The following ZDHHC18 variants were observed in gnomAD, a reference collection of about 807,000 sequenced individuals.
ZDHHC18 encodes the protein zDHHC palmitoyltransferase 18, also known as palmitoyltransferase ZDHHC18.
Under a neutral mutation model 37.5 loss-of-function variants are expected in ZDHHC18, and 23 were observed. That is an observed-to-expected ratio of 0.61 (90% CI 0.44 to 0.87). The LOEUF is 0.87. Ranked by LOEUF, ZDHHC18 falls within the 40% of genes least tolerant of loss-of-function variation. ZDHHC18 has a pLI of 0.00. For synonymous variants in ZDHHC18, 185 were observed against 218.7 expected (o/e 0.85, Z 1.36); for missense variants, 406 against 525.6 (o/e 0.77, Z 2.22).
rs2081700165 is a variant in ZDHHC18, at chr1:26,850,854, T to C, written c.833+248T>C. ...ATGTCCCTTAAGATGCCAAGCTCCC[T>C]GGACCGTGTCGTGCCCAAGGCTCTT... On this transcript the variant is annotated intron_variant, in intron 5 of 7. Transcript: ENST00000374142. This position sits in a 1 kb window ranked among gnomAD's most constrained non-coding sequence, Gnocchi z 6.1. Among the ~76,000 whole-genome samples, 1 of 152,220 alleles carries C rather than the reference T, an allele frequency of 6.6e-6. No individual in the cohort carries two copies. Among genetic ancestry groups the C allele is most frequent in the Non-Finnish European group, 1.5e-5 (1 of 68,038 alleles).
At chr1:26,841,195 G>A (rs1319263847) in intron 2 of ZDHHC18, among the ~76,000 whole-genome samples, 1 of 152,090 alleles carries the variant, frequency 6.6e-6, no homozygotes, top group Non-Finnish European at 1.5e-5. Context: ...GGCTGGTCTC[G>A]AACTCCTGAC....
intron 3 of ZDHHC18, among the ~76,000 whole-genome samples, 162 bp downstream of exon 3, chr1:26,848,919 C>T (rs1482208493): frequency 6.6e-6 from 1 of 152,142 alleles, no homozygotes; most frequent in Non-Finnish European, 1.5e-5. Context: ...CAGGAGGGCC[C>T]AGGGGAGGGG....
At chr1:26,843,518 G>A (rs2081648721) in intron 2 of ZDHHC18, among the ~76,000 whole-genome samples, 1 of 150,552 alleles carries the variant, frequency 6.6e-6, no homozygotes. Flanking sequence ...GCCGTGTACG[G>A]TGGTTCATGC....
intron 7 of ZDHHC18, 96 bp from the exon 8 acceptor site, chr1:26,853,630 C>T: frequency 1.7e-6 from 2 of 1,173,814 alleles, no homozygotes; most frequent in South Asian, 2.6e-5. Context: ...TCAGCCTGGG[C>T]CTTTCCTTGG....
chr1:26,847,192 G>T (rs946250334), intron 2 of ZDHHC18, among the ~76,000 whole-genome samples: 1 of 152,008 alleles, frequency 6.6e-6, no homozygotes, highest in Non-Finnish European at 1.5e-5. Flanking sequence ...ACCACACCTG[G>T]CCAATTGTTC....
chr1:26,832,645 A>T (rs2081593556), intron 2 of ZDHHC18, 38 bp downstream of exon 2: 1 of 1,604,664 alleles, frequency 6.2e-7, no homozygotes, highest in Admixed American at 1.7e-5. Context: ...GGGTCTCCAT[A>T]GCTCCACATT....
At chr1:26,829,307 G>A (rs978324934) in intron 1 of ZDHHC18, among the ~76,000 whole-genome samples, 5 of 152,068 alleles carry the variant, frequency 3.3e-5, no homozygotes, top group South Asian at 2.1e-4. Flanking sequence ...CTTACTTCTC[G>A]CCCCCACACA....
At chr1:26,834,317 C>T (rs183462465) in intron 2 of ZDHHC18, among the ~76,000 whole-genome samples, 51 of 152,320 alleles carry the variant, frequency 3.3e-4, no homozygotes, top group Non-Finnish European at 6.8e-4. Flanking sequence ...CACAACAGCC[C>T]AGTGAGGGCG....
chr1:26,839,977 C>T (rs1363607288), intron 2 of ZDHHC18, among the ~76,000 whole-genome samples: 1 of 152,256 alleles, frequency 6.6e-6, no homozygotes, highest in Non-Finnish European at 1.5e-5. Flanking sequence ...ACCAGGTGGA[C>T]TCTTGCTCCA....
At position 26,853,822 on chromosome 1, in the gene ZDHHC18, C is replaced by T. The variant is rs746492625; in HGVS notation, c.1146C>T (p.Ser382=). 1.9e-6 allele frequency: 3 copies of T among 1,613,890 alleles called. No homozygotes were observed. In the Admixed American group the frequency reaches 5.0e-5, roughly 27 times the overall value. Residue 382 remains serine, a synonymous_variant, in exon 8 of 8, where the codon AGC becomes AGT. Coordinates refer to ENST00000374142, the MANE Select transcript of ZDHHC18 (RefSeq NM_032283.3). ...CCTGCAGAGCCAAGCCTGATGCCAGCATGGTAGGAGGCCACCCCTGACCAC... is the reference window on the plus strand; with the variant it reads ...CCTGCAGAGCCAAGCCTGATGCCAGTATGGTAGGAGGCCACCCCTGACCAC... The part of the protein sequence containing the change: ...EPACRAKPDA[S]MVGGHP
rs2081720816 is a variant in ZDHHC18 at position 26,853,997 on chromosome 1, C to A, written c.*154C>A. Reference sequence around the variant, plus strand: ...CCTGCGTGGCTTTCCCTGAACTGTTCCGTGGCTGTGCCCTCTGCTCCCCAA... The same window carrying A: ...CCTGCGTGGCTTTCCCTGAACTGTTACGTGGCTGTGCCCTCTGCTCCCCAA... On this transcript the variant is annotated 3_prime_UTR_variant, in exon 8 of 8. Transcript: ENST00000374142. 2 of 721,196 alleles carry A rather than the reference C, an allele frequency of 2.8e-6. No individual in the cohort carries two copies. The highest frequency in any genetic ancestry group is 5.1e-5 in the Admixed American group (2 of 39,134). 44.7% of individuals were successfully genotyped at this position (721,196 alleles called of 1,614,324 possible). A position where few individuals can be genotyped will look rare whatever the true frequency, so the allele number is the denominator to read the frequency against.
At chr1:26,827,171 GC>G (rs1461720104) in intron 1 of ZDHHC18, 32 bp downstream of exon 1, 3 of 1,243,342 alleles carry the variant, frequency 2.4e-6, no homozygotes, top group Non-Finnish European at 3.0e-6. Context: ...CCCCCTCCCA[GC>G]CCCCTGCCGC....
intron 2 of ZDHHC18, among the ~76,000 whole-genome samples, chr1:26,843,112 TAA>T (rs978152548): frequency 2.6e-5 from 4 of 152,094 alleles, no homozygotes; most frequent in African/African-American, 9.6e-5. Flanking sequence ...ATAACTTACT[TAA>T]GTCTTTCCTT....
intron 1 of ZDHHC18, among the ~76,000 whole-genome samples, chr1:26,831,009 C>T (rs2081586960): frequency 6.6e-6 from 1 of 152,162 alleles, no homozygotes; most frequent in African/African-American, 2.4e-5. Context: ...TCTCGAACTC[C>T]TGACCTCAGG....
chr1:26,826,706 C>A lies in ZDHHC18; in HGVS notation c.-99C>A, dbSNP rs1031839062. 3.6e-4 allele frequency: 177 copies of A among 493,614 alleles called. No individual in the cohort carries two copies. The highest frequency in any genetic ancestry group is 4.5e-4 in the Non-Finnish European group (173 of 382,676). 30.6% of individuals were successfully genotyped at this position (493,614 alleles called of 1,614,324 possible). ...CCGCCCCAGTGAGTGAGCGAGCGAG[C>A]GCCGCGCGCGCCGCCGCTGCCACCT... On this transcript the variant is annotated 5_prime_UTR_variant, in exon 1 of 8. Transcript: ENST00000374142. This position sits in a 1 kb window ranked among gnomAD's most constrained non-coding sequence, Gnocchi z 5.2.
At chr1:26,848,492 C>G in intron 2 of ZDHHC18, 116 bp from the exon 3 acceptor site, 1 of 1,357,490 alleles carries the variant, frequency 7.4e-7, no homozygotes, top group Non-Finnish European at 1.0e-6. Flanking sequence ...TTCCTGGGAA[C>G]CTGTTACCCT....
At chr1:26,837,321 C>T (rs1328683760) in intron 2 of ZDHHC18, among the ~76,000 whole-genome samples, 1 of 145,676 alleles carries the variant, frequency 6.9e-6, no homozygotes, top group African/African-American at 2.5e-5. Flanking sequence ...TAATATATAA[C>T]ATATTTAATA....
In ZDHHC18 at chr1:26,852,998, C is replaced by T. The variant is rs1438157626; in HGVS notation, c.1049+133C>T. 1.6e-5 allele frequency: 11 copies of T among 675,274 alleles called. No homozygotes were observed. In the East Asian group the frequency reaches 3.1e-4, roughly 19 times the overall value. The allele number at this position is 675,274 out of a possible 1,614,324, so 41.8% of individuals were successfully genotyped here. On this transcript the variant is annotated intron_variant, in intron 7 of 7. Coordinates refer to ENST00000374142, the MANE Select transcript of ZDHHC18 (RefSeq NM_032283.3). ...CCACTACCCCCTGGAGGGCATTTGTCATGTGACGGAATTCCATGGAGAATT... is the reference window on the plus strand; with the variant it reads ...CCACTACCCCCTGGAGGGCATTTGTTATGTGACGGAATTCCATGGAGAATT...
chr1:26,853,173 G>A, intron 7 of ZDHHC18: 1 of 292,238 alleles, frequency 3.4e-6, no homozygotes, highest in Non-Finnish European at 6.5e-6. Context: ...CCTTCCGGTT[G>A]CCCACTGCCT....
Sources: gnomAD v4.1 joint callset for allele counts (sites outside exome capture counted in the v4.1 genomes callset) on GRCh38, gnomAD v4.1.1 for gene constraint, Gnocchi (gnomAD v3.1) non-coding constraint, MANE v1.5 for transcripts, NCBI Gene and HGNC (gene_info 2026-07-23, HGNC 2026-07-21) for gene names.